Variants in DCAF8L2 observed in about 807,000 individuals in gnomAD.
The protein encoded by DCAF8L2 is DDB1 and CUL4 associated factor 8 like 2.
For synonymous variants in DCAF8L2, 200 were observed against 190.9 expected, an observed-to-expected ratio of 1.05 and a Z score of -0.39; for missense variants, 430 against 490.7, an observed-to-expected ratio of 0.88 and a Z score of 1.17.
chrX:27,546,220 C>G, the DCAF8L2 span, among the ~76,000 whole-genome samples: 1 of 112,060 alleles, frequency 8.9e-6, no homozygotes, highest in Non-Finnish European at 1.9e-5. Flanking sequence ...TCATTTAAAG[C>G]TCCAAAATGA....
chrX:27,720,534 T>C (rs1011653867), intron 4 of DCAF8L2, among the ~76,000 whole-genome samples: 2 of 109,973 alleles, frequency 1.8e-5, no homozygotes, highest in South Asian at 3.9e-4. Flanking sequence ...CCACCGCGCC[T>C]GGCTAATTTT....
intron 2 of DCAF8L2, among the ~76,000 whole-genome samples, chrX:27,659,796 C>A (rs868030149): frequency 9.0e-6 from 1 of 110,756 alleles, no homozygotes; most frequent in Non-Finnish European, 1.9e-5. Context: ...GTATCTATCT[C>A]TTTGTTGAAT....
chrX:27,746,674 A>G (rs1287915777), intron 4 of DCAF8L2, 164 bp from the exon 5 acceptor site: 1 of 368,614 alleles, frequency 2.7e-6, no homozygotes, highest in Non-Finnish European at 4.7e-6. Context: ...CGAGGCGGCG[A>G]GCAGGTAAGA....
intron 1 of DCAF8L2, among the ~76,000 whole-genome samples, chrX:27,627,785 T>G (rs1051734991): frequency 9.2e-6 from 1 of 109,013 alleles, no homozygotes; most frequent in Non-Finnish European, 1.9e-5. Context: ...TCTCAGCTAC[T>G]CGGGAGGCTG....
intron 2 of DCAF8L2, among the ~76,000 whole-genome samples, chrX:27,660,795 T>C (rs113491831): frequency 2.0e-4 from 22 of 111,714 alleles, no homozygotes; most frequent in African/African-American, 6.5e-4. Flanking sequence ...CCGGGGAGCA[T>C]GTACTTTAGT....
At chrX:27,716,820 A>G (rs956107008) in intron 4 of DCAF8L2, among the ~76,000 whole-genome samples, 2 of 111,869 alleles carry the variant, frequency 1.8e-5, no homozygotes, top group African/African-American at 6.5e-5. Context: ...TACTGCATCT[A>G]TCAACCCATC....
chrX:27,598,514 T>C (rs926951916), intron 1 of DCAF8L2, among the ~76,000 whole-genome samples: 2 of 112,417 alleles, frequency 1.8e-5, no homozygotes, highest in African/African-American at 6.5e-5. Context: ...AGTCACAAGG[T>C]TGATAAGCAA....
At chrX:27,667,388 C>T (rs1052079925) in intron 2 of DCAF8L2, among the ~76,000 whole-genome samples, 1 of 111,355 alleles carries the variant, frequency 9.0e-6, no homozygotes, top group Non-Finnish European at 1.9e-5. Flanking sequence ...TTTTTAATAA[C>T]CCCCAAATAA....
chrX:27,505,297 A>G, the DCAF8L2 span, among the ~76,000 whole-genome samples: 9 of 111,158 alleles, frequency 8.1e-5, no homozygotes, highest in Non-Finnish European at 1.5e-4. Context: ...CATCCAATAC[A>G]GAACATATAA....
At chrX:27,622,350 A>C (rs756167228) in intron 1 of DCAF8L2, among the ~76,000 whole-genome samples, 1 of 104,926 alleles carries the variant, frequency 9.5e-6, no homozygotes, top group Non-Finnish European at 1.9e-5. Context: ...GCGTGAACCC[A>C]GGAGGCGGAG....
intron 4 of DCAF8L2, among the ~76,000 whole-genome samples, chrX:27,730,606 C>T (rs1921135149): frequency 9.1e-6 from 1 of 109,982 alleles, no homozygotes; most frequent in Non-Finnish European, 1.9e-5. Flanking sequence ...TTAGTAGAGA[C>T]GGAGTTTCTC....
chrX:27,483,181 A>G, the DCAF8L2 span, among the ~76,000 whole-genome samples: 1 of 111,495 alleles, frequency 9.0e-6, no homozygotes, highest in Admixed American at 9.6e-5. Flanking sequence ...ATGCAAAATC[A>G]TATCAATAAA....
intron 1 of DCAF8L2, among the ~76,000 whole-genome samples, chrX:27,611,112 T>G (rs1927141517): frequency 9.0e-6 from 1 of 111,185 alleles, no homozygotes; most frequent in African/African-American, 3.3e-5. Flanking sequence ...TCAATGATAT[T>G]GTGTTGATCA....
intron 2 of DCAF8L2, among the ~76,000 whole-genome samples, chrX:27,665,160 C>T (rs913818618): frequency 2.7e-5 from 3 of 109,868 alleles, no homozygotes; most frequent in African/African-American, 9.9e-5. Flanking sequence ...GGAAAGGATT[C>T]GCCATTCTAG....
chrX:27,705,809 ATTG>A lies in DCAF8L2; in HGVS notation c.-142-10273_-142-10271del, dbSNP rs747757667. 1.6e-3 allele frequency among the ~76,000 whole-genome samples: 179 copies of A among 111,437 alleles called. 1 individual carries two copies. Among genetic ancestry groups the A allele is most frequent in the African/African-American group, 5.3e-3 (163 of 30,706 alleles). ...TAGTTTAATTAGATTCTATTTGTCAATTGTTGTTTTTGTTGCGATTGTTTTTGC... is the reference window on the plus strand; with the variant it reads ...TAGTTTAATTAGATTCTATTTGTCAATTGTTTTTGTTGCGATTGTTTTTGC... On this transcript the variant is annotated intron_variant, in intron 3 of 4. Coordinates refer to ENST00000451261, the MANE Select transcript of DCAF8L2 (RefSeq NM_001353450.2).
the DCAF8L2 span, among the ~76,000 whole-genome samples, chrX:27,560,901 T>G: frequency 8.9e-6 from 1 of 112,256 alleles, no homozygotes; most frequent in African/African-American, 3.2e-5. Flanking sequence ...CAACATGAAG[T>G]GTTTGCCAAA....
intron 2 of DCAF8L2, among the ~76,000 whole-genome samples, chrX:27,649,322 C>T (rs974213812): frequency 8.9e-6 from 1 of 111,995 alleles, no homozygotes; most frequent in African/African-American, 3.2e-5. Context: ...TGGATACATA[C>T]CCTGTAATGA....
chrX:27,553,313 T>G, the DCAF8L2 span, among the ~76,000 whole-genome samples: 368 of 111,711 alleles, frequency 3.3e-3, 1 homozygote, highest in African/African-American at 0.011. Flanking sequence ...TTGCTGATTC[T>G]CTATCAAGAT....
At chrX:27,528,077 A>AATTATTAAATTAAATTTTTAATTT in the DCAF8L2 span, among the ~76,000 whole-genome samples, 143 of 62,165 alleles carry the variant, frequency 2.3e-3, 1 homozygote, top group Non-Finnish European at 2.7e-3. Context: ...TAATTTAATT[A>AATTATTAAATTAAATTTTTAATTT]AATTAATTAT....
Sources: allele counts gnomAD v4.1 joint callset (sites outside exome capture counted in the v4.1 genomes callset), GRCh38; gene constraint gnomAD v4.1.1; transcripts MANE v1.5; gene names NCBI Gene and HGNC (gene_info 2026-07-23, HGNC 2026-07-21).